Variants in DCDC2 observed in about 807,000 individuals in gnomAD.
The protein encoded by DCDC2 is doublecortin domain containing 2, also known as doublecortin domain-containing protein 2.
Under a neutral mutation model 50.2 loss-of-function variants are expected in DCDC2, and 40 were observed. The observed-to-expected ratio is 0.80, with a 90% confidence interval of 0.62 to 1.04. The LOEUF is 1.04. Among genes scored for constraint, DCDC2 ranks in the 50% least tolerant of loss-of-function variants. The pLI, the probability that DCDC2 is intolerant of heterozygous loss-of-function variation, is 0.00. For missense variants in DCDC2, 570 were observed against 581.9 expected (o/e 0.98, Z 0.21); for synonymous variants, 234 against 210.6 (o/e 1.11, Z -0.96).
intron 7 of DCDC2, among the ~76,000 whole-genome samples, chr6:24,266,115 TG>T (rs1473227289): frequency 1.3e-5 from 2 of 152,100 alleles, no homozygotes; most frequent in African/African-American, 4.8e-5. Context: ...CTTCAATAAA[TG>T]GTGCTGGGAA....
At chr6:24,217,133 G>T (rs148772483) in intron 7 of DCDC2, among the ~76,000 whole-genome samples, 18 of 151,038 alleles carry the variant, frequency 1.2e-4, no homozygotes, top group African/African-American at 4.4e-4. Flanking sequence ...TTCATACAAA[G>T]AATCTTAAAA....
chr6:24,346,846 A>T (rs1760266784), intron 2 of DCDC2, among the ~76,000 whole-genome samples: 1 of 152,160 alleles, frequency 6.6e-6, no homozygotes, highest in Non-Finnish European at 1.5e-5. Flanking sequence ...TGGGTTGATG[A>T]GGTCTTAAAC....
At chr6:24,238,290 A>G (rs1308981562) in intron 7 of DCDC2, among the ~76,000 whole-genome samples, 1 of 148,276 alleles carries the variant, frequency 6.7e-6, no homozygotes, top group East Asian at 2.0e-4. Context: ...GTTTCATTCC[A>G]TGCATCTCAC....
chr6:24,282,483 T>A lies in DCDC2; in HGVS notation c.760-4272A>T, dbSNP rs114389909. On this transcript the variant is annotated intron_variant, in intron 6 of 9. Transcript: ENST00000378454. ...CTCTCAAACTCCTGACCTCAAATGATCCTCCCCACTTGGCATCCCAAAGTG... is the reference window on the plus strand; with the variant it reads ...CTCTCAAACTCCTGACCTCAAATGAACCTCCCCACTTGGCATCCCAAAGTG... Among the ~76,000 whole-genome samples the A allele has an allele frequency of 9.4e-3, 1,428 of 152,110 alleles. 12 individuals are homozygous for A. The highest frequency in any genetic ancestry group is 0.018 in the African/African-American group (762 of 41,488).
At chr6:24,229,304 C>A (rs1762292254) in intron 7 of DCDC2, among the ~76,000 whole-genome samples, 1 of 152,148 alleles carries the variant, frequency 6.6e-6, no homozygotes, top group Admixed American at 6.5e-5. Flanking sequence ...CCCATCCATC[C>A]TTAGAGCCGG....
intron 7 of DCDC2, among the ~76,000 whole-genome samples, chr6:24,220,879 A>AGAGCGAGAGAGCGAGTGAGC: frequency 2.8e-5 from 3 of 107,032 alleles, no homozygotes; most frequent in African/African-American, 1.4e-4. Context: ...CAAGAGAGCG[A>AGAGCGAGAGAGCGAGTGAGC]GAGCGAGAGA....
chr6:24,290,940 C>T lies in DCDC2; in HGVS notation c.696G>A (p.Arg232=), dbSNP rs758802517. The T allele has an allele frequency of 6.2e-7, 1 of 1,613,322 alleles. No individual in the cohort carries two copies. The highest frequency in any genetic ancestry group is 1.7e-5 in the Admixed American group (1 of 59,762). The change falls in exon 5 of 10, where the codon AGG becomes AGA. Residue 232 remains arginine (R), a synonymous_variant. Coordinates refer to ENST00000378454, the MANE Select transcript of DCDC2 (RefSeq NM_016356.5). ...TAAGGAGTAAGACTTACCCAAAAGG[C>T]CTTCTCATCGTTGACTTGTCAAAAA... is the stretch of plus-strand genomic sequence containing the variant. ...ELLFDKSTMR[R]PFGQKASSLP...
intron 1 of DCDC2, 77 bp downstream of exon 1, chr6:24,357,380 TA>T (rs1760491723): frequency 3.4e-6 from 5 of 1,452,534 alleles, no homozygotes; most frequent in Non-Finnish European, 4.6e-6. Flanking sequence ...TGTGGGGGGG[TA>T]GGGATCTGCA....
the DCDC2 span, among the ~76,000 whole-genome samples, chr6:24,374,182 A>G: frequency 6.6e-6 from 1 of 150,920 alleles, no homozygotes; most frequent in Non-Finnish European, 1.5e-5. Context: ...AAAAAAAGGA[A>G]GGAGAGGAAG....
chr6:24,183,550 A>C (rs148611971), intron 8 of DCDC2, among the ~76,000 whole-genome samples: 160 of 152,266 alleles, frequency 1.1e-3, no homozygotes, highest in African/African-American at 3.8e-3. Context: ...AAGTCAGAAG[A>C]AGCCAGGAAA....
chr6:24,290,050 G>T (rs947358293), intron 5 of DCDC2, among the ~76,000 whole-genome samples: 3 of 134,778 alleles, frequency 2.2e-5, no homozygotes, highest in Admixed American at 8.1e-5. Context: ...CTGGAGTGCA[G>T]TGGCGGGATC....
intron 6 of DCDC2, among the ~76,000 whole-genome samples, chr6:24,283,870 G>C (rs1419339440): frequency 6.6e-6 from 1 of 152,218 alleles, no homozygotes; most frequent in Non-Finnish European, 1.5e-5. Flanking sequence ...ACTGGGCACT[G>C]TGCCAGGGGT....
At chr6:24,294,301 A>C (rs924382550) in intron 4 of DCDC2, among the ~76,000 whole-genome samples, 3 of 152,056 alleles carry the variant, frequency 2.0e-5, no homozygotes, top group Admixed American at 1.3e-4. Context: ...GCTGCAATGA[A>C]CAGAGATCAT....
chr6:24,248,060 GAAC>G (rs1249935940), intron 7 of DCDC2, among the ~76,000 whole-genome samples: 1 of 151,976 alleles, frequency 6.6e-6, no homozygotes, highest in Non-Finnish European at 1.5e-5. Context: ...TGGGCAACAA[GAAC>G]AAAACTCCAT....
rs751486020 is a variant in DCDC2, at chr6:24,357,606, T to G, written c.145A>C (p.Lys49Gln). Residue 49 changes from lysine (K) to glutamine (Q), a missense_variant, in exon 1 of 10, where the codon AAG (lysine) becomes CAG (glutamine). Physicochemically the swap from Lys to Gln is moderately conservative, Grantham distance 53 (BLOSUM62 1). Coordinates refer to ENST00000378454, the MANE Select transcript of DCDC2 (RefSeq NM_016356.5). ...GCCTGAACGCCGCCGGTCACCTCCT[T>G]CAGGAAGACTTCGAAGCTGGACACC... ...KKVSSFEVFL[K>Q]EVTGGVQAPF... The G allele has an allele frequency of 6.2e-7, 1 of 1,613,334 alleles. No homozygotes were observed. The highest frequency in any genetic ancestry group is 1.3e-5 in the African/African-American group (1 of 74,936).
chr6:24,176,453 A>G lies in DCDC2; in HGVS notation c.1327-1619T>C, dbSNP rs139083640. Reference sequence around the variant, plus strand: ...TGATCTTGACGGATGCCCAATTCCTATCAAAAGCCTATTTTTCCCCTTTAA... The same window carrying G: ...TGATCTTGACGGATGCCCAATTCCTGTCAAAAGCCTATTTTTCCCCTTTAA... On this transcript the variant is annotated intron_variant, in intron 9 of 9. Transcript: ENST00000378454. Among the ~76,000 whole-genome samples, 512 of 149,190 alleles carry G rather than the reference A, an allele frequency of 3.4e-3. 1 individual carries two copies. Among genetic ancestry groups the G allele is most frequent in the African/African-American group, 0.012 (488 of 41,180 alleles).
chr6:24,284,075 G>T (rs1007765079), intron 6 of DCDC2, among the ~76,000 whole-genome samples: 3 of 152,016 alleles, frequency 2.0e-5, no homozygotes, highest in African/African-American at 4.8e-5. Flanking sequence ...AGAATCTCTG[G>T]GCCCTGAAGC....
intron 8 of DCDC2, among the ~76,000 whole-genome samples, chr6:24,204,334 G>T (rs1163170066): frequency 6.6e-6 from 1 of 152,136 alleles, no homozygotes; most frequent in Non-Finnish European, 1.5e-5. Context: ...CGTGTCTTTT[G>T]CAGGGACATG....
At chr6:24,229,747 C>A (rs2113781957) in intron 7 of DCDC2, among the ~76,000 whole-genome samples, 1 of 152,296 alleles carries the variant, frequency 6.6e-6, no homozygotes, top group South Asian at 2.1e-4. Context: ...AATGGAGATA[C>A]ACTGTAAATG....
Sources: allele counts gnomAD v4.1 joint callset (sites outside exome capture counted in the v4.1 genomes callset), GRCh38; gene constraint gnomAD v4.1.1; transcripts MANE v1.5; gene names NCBI Gene and HGNC (gene_info 2026-07-23, HGNC 2026-07-21).